PRKCA: variants seen among roughly 807,000 people sequenced by gnomAD.
The protein encoded by PRKCA is protein kinase C alpha, also known as protein kinase C alpha type.
Under a neutral mutation model 87.0 loss-of-function variants are expected in PRKCA, and 27 were observed. The observed-to-expected ratio is 0.31, with a 90% CI of 0.23 to 0.43. The LOEUF is 0.43. Ranked by LOEUF, PRKCA falls within the 20% of genes least tolerant of loss-of-function variation. The pLI, the probability that PRKCA is intolerant of heterozygous loss-of-function variation, is 1.00. For missense variants in PRKCA, 518 were observed against 852.3 expected, an observed-to-expected ratio of 0.61 and a Z score of 4.88; for synonymous variants, 329 against 311.1, an observed-to-expected ratio of 1.06 and a Z score of -0.61.
chr17:66,746,995 T>C (rs907968938), intron 13 of PRKCA, among the ~76,000 whole-genome samples: 1 of 152,242 alleles, frequency 6.6e-6, no homozygotes, highest in African/African-American at 2.4e-5. Context: ...TGTCTGCTTC[T>C]GGCCTGTGTC....
At chr17:66,626,200 TTC>T (rs202067808) in intron 3 of PRKCA, among the ~76,000 whole-genome samples, 3,292 of 149,290 alleles carry the variant, frequency 0.022, 97 homozygotes, top group African/African-American at 0.079. Context: ...TCTTTTTCTT[TTC>T]TTTTTTTTTT....
intron 2 of PRKCA, among the ~76,000 whole-genome samples, chr17:66,436,833 C>T (rs1039774128): frequency 6.6e-5 from 10 of 151,898 alleles, no homozygotes; most frequent in Admixed American, 3.3e-4. Flanking sequence ...TCATGGGAAC[C>T]GAGGAAGGAG....
At chr17:66,356,934 C>G (rs1051836470) in intron 2 of PRKCA, among the ~76,000 whole-genome samples, 26 of 152,032 alleles carry the variant, frequency 1.7e-4, no homozygotes, top group African/African-American at 6.0e-4. Context: ...TGATTTTTTA[C>G]TTTTGGGAGA....
At chr17:66,744,745 T>C (rs1290276266) in intron 13 of PRKCA, among the ~76,000 whole-genome samples, 1 of 152,190 alleles carries the variant, frequency 6.6e-6, no homozygotes, top group Non-Finnish European at 1.5e-5. Context: ...TATCATGTGG[T>C]TCCGGAGATC....
intron 2 of PRKCA, among the ~76,000 whole-genome samples, chr17:66,373,791 A>G (rs8075066): frequency 0.67 from 102,110 of 151,978 alleles, 34,496 homozygotes; most frequent in Non-Finnish European, 0.72. Flanking sequence ...TTCATCCTAA[A>G]ATCGGGTAGA....
intron 3 of PRKCA, among the ~76,000 whole-genome samples, chr17:66,545,848 T>C (rs1968131782): frequency 6.6e-6 from 1 of 152,224 alleles, no homozygotes; most frequent in African/African-American, 2.4e-5. Context: ...TGGAAAGTCA[T>C]TTACCATATT....
intron 8 of PRKCA, among the ~76,000 whole-genome samples, chr17:66,730,581 ACTGT>A: frequency 6.6e-6 from 1 of 152,216 alleles, no homozygotes; most frequent in East Asian, 1.9e-4. Flanking sequence ...ACATTTGTAA[ACTGT>A]CTTGGTGCTG....
intron 2 of PRKCA, among the ~76,000 whole-genome samples, chr17:66,354,718 C>G (rs1907949328): frequency 6.6e-6 from 1 of 152,124 alleles, no homozygotes; most frequent in Non-Finnish European, 1.5e-5. Flanking sequence ...TCCTATTTCT[C>G]CAGCCGAGAA....
intron 3 of PRKCA, among the ~76,000 whole-genome samples, chr17:66,501,980 G>C (rs898512603): frequency 6.6e-6 from 1 of 152,144 alleles, no homozygotes; most frequent in Admixed American, 6.5e-5. Flanking sequence ...AGTGGTGTGG[G>C]GTCTGCAGGG....
chr17:66,557,257 T>C (rs1429654760), intron 3 of PRKCA, among the ~76,000 whole-genome samples: 1 of 152,174 alleles, frequency 6.6e-6, no homozygotes, highest in African/African-American at 2.4e-5. Context: ...TAATGAATTA[T>C]TCAGAGACTT....
At chr17:66,445,401 T>G (rs561023141) in intron 2 of PRKCA, among the ~76,000 whole-genome samples, 1 of 152,184 alleles carries the variant, frequency 6.6e-6, no homozygotes, top group Non-Finnish European at 1.5e-5. Flanking sequence ...AGTCCAAGCA[T>G]TGGAGGCCAG....
At chr17:66,777,758 G>A (rs2144347660) in intron 14 of PRKCA, 1 of 985,352 alleles carries the variant, frequency 1.0e-6, no homozygotes, top group Non-Finnish European at 1.2e-6. Flanking sequence ...AAAGGGGCTG[G>A]GCGGAAACGA....
chr17:66,579,730 A>G (rs1969360107), intron 3 of PRKCA, among the ~76,000 whole-genome samples: 1 of 152,190 alleles, frequency 6.6e-6, no homozygotes, highest in African/African-American at 2.4e-5. Context: ...TAAGGCTGGA[A>G]GGCAGAGGCA....
At chr17:66,735,361 T>C in intron 9 of PRKCA, 128 bp from the exon 10 acceptor site, 1 of 953,928 alleles carries the variant, frequency 1.0e-6, no homozygotes, top group Non-Finnish European at 1.6e-6. Context: ...TAAAGTTTAA[T>C]ATTTTTATGT....
At chr17:66,670,823 C>T (rs1443420795) in intron 5 of PRKCA, among the ~76,000 whole-genome samples, 1 of 151,752 alleles carries the variant, frequency 6.6e-6, no homozygotes, top group Non-Finnish European at 1.5e-5. Context: ...GATCACACTA[C>T]TACACTCCAG....
At chr17:66,678,738 A>C (rs1219669600) in intron 5 of PRKCA, among the ~76,000 whole-genome samples, 3 of 151,340 alleles carry the variant, frequency 2.0e-5, no homozygotes. Context: ...CATTGGGAAC[A>C]TGACTGTAGG....
At chr17:66,668,816 C>T (rs1344759455) in intron 5 of PRKCA, among the ~76,000 whole-genome samples, 1 of 152,116 alleles carries the variant, frequency 6.6e-6, no homozygotes, top group Non-Finnish European at 1.5e-5. Context: ...TAATAGGGTG[C>T]AGGAGGCTGG....
intron 3 of PRKCA, among the ~76,000 whole-genome samples, chr17:66,539,289 A>G (rs1375285437): frequency 2.0e-5 from 3 of 152,230 alleles, no homozygotes; most frequent in South Asian, 4.1e-4. Context: ...TTCTGCTGTG[A>G]CAAGCCATCA....
chr17:66,393,964 A>G (rs1419647433), intron 2 of PRKCA, among the ~76,000 whole-genome samples: 2 of 151,940 alleles, frequency 1.3e-5, no homozygotes, highest in Non-Finnish European at 2.9e-5. Flanking sequence ...AATCCCACCT[A>G]CTCGGGAGAC....
Sources: allele counts gnomAD v4.1 joint callset (sites outside exome capture counted in the v4.1 genomes callset), GRCh38; gene constraint gnomAD v4.1.1; transcripts MANE v1.5; gene names NCBI Gene and HGNC (gene_info 2026-07-23, HGNC 2026-07-21).